Variants in CAST observed in about 807,000 individuals in gnomAD.
CAST encodes calpastatin.
Under a neutral mutation model 119.6 loss-of-function variants are expected in CAST, and 76 were observed. The ratio of observed to expected loss-of-function variants is 0.64; its 90% CI spans 0.53 to 0.77. The LOEUF is 0.77. CAST is among the 30% of genes least tolerant of loss of function. The pLI, the probability that CAST is intolerant of heterozygous loss-of-function variation, is 0.00. For missense variants in CAST, 953 were observed against 946.5 expected (o/e 1.01, Z -0.09); for synonymous variants, 319 against 331.6 (o/e 0.96, Z 0.41).
chr5:95,990,990 T>C, the CAST span, among the ~76,000 whole-genome samples: 1 of 152,206 alleles, frequency 6.6e-6, no homozygotes, highest in East Asian at 1.9e-4. Flanking sequence ...ATTAGTGTTT[T>C]CTCCACAGGA....
upstream of CAST, among the ~76,000 whole-genome samples, chr5:96,526,868 A>G (rs1745604767): frequency 6.6e-6 from 1 of 152,152 alleles, no homozygotes; most frequent in African/African-American, 2.4e-5. Flanking sequence ...TGCTTTTTCC[A>G]AAGAGGGTTT....
intron 1 of CAST, among the ~76,000 whole-genome samples, chr5:96,616,146 C>T (rs778553570): frequency 6.6e-6 from 1 of 152,210 alleles, no homozygotes; most frequent in East Asian, 1.9e-4. Context: ...AAACGTTAAT[C>T]TTCTTTGGCA....
chr5:96,172,492 A>G, the CAST span, among the ~76,000 whole-genome samples: 1 of 152,264 alleles, frequency 6.6e-6, no homozygotes, highest in Non-Finnish European at 1.5e-5. Context: ...TACATGGTAT[A>G]TGGCAATATG....
intron 2 of CAST, among the ~76,000 whole-genome samples, chr5:96,688,668 T>C (rs1022078276): frequency 2.6e-4 from 39 of 152,338 alleles, no homozygotes; most frequent in African/African-American, 9.1e-4. Context: ...TGTGCATATT[T>C]TTGTATTTGT....
chr5:96,352,943 CCT>C, the CAST span, among the ~76,000 whole-genome samples: 2 of 152,088 alleles, frequency 1.3e-5, no homozygotes, highest in Admixed American at 1.3e-4. Context: ...TTTCCTGAGG[CCT>C]CTCTAGTCAT....
At chr5:96,613,714 A>G (rs1337526363) in intron 1 of CAST, among the ~76,000 whole-genome samples, 2 of 152,212 alleles carry the variant, frequency 1.3e-5, no homozygotes, top group Non-Finnish European at 2.9e-5. Flanking sequence ...AACAACAACA[A>G]CAATAGTAAC....
the CAST span, among the ~76,000 whole-genome samples, chr5:96,051,333 C>A: frequency 8.9e-6 from 1 of 112,462 alleles, no homozygotes. Context: ...AGATCTATAG[C>A]TAAAATTCTC....
chr5:96,497,554 T>C, the CAST span, among the ~76,000 whole-genome samples: 1 of 152,102 alleles, frequency 6.6e-6, no homozygotes, highest in East Asian at 1.9e-4. Flanking sequence ...ATTGCCATTC[T>C]AACTGGTGTG....
the CAST span, among the ~76,000 whole-genome samples, chr5:96,109,922 T>C: frequency 6.7e-6 from 1 of 149,510 alleles, no homozygotes; most frequent in Non-Finnish European, 1.5e-5. Flanking sequence ...TTAAAGTACA[T>C]GTAAAAATGA....
the CAST span, among the ~76,000 whole-genome samples, chr5:96,090,196 A>G: frequency 4.6e-5 from 7 of 152,192 alleles, no homozygotes; most frequent in African/African-American, 1.7e-4. Context: ...TTGGTGGGAT[A>G]CGGGTCTCTA....
chr5:96,243,353 G>A, the CAST span, among the ~76,000 whole-genome samples: 2 of 150,356 alleles, frequency 1.3e-5, no homozygotes, highest in African/African-American at 2.5e-5. Flanking sequence ...ACTGAAGAAC[G>A]TTTTGCTCAC....
At chr5:96,344,641 C>A in the CAST span, among the ~76,000 whole-genome samples, 1 of 152,088 alleles carries the variant, frequency 6.6e-6, no homozygotes, top group South Asian at 2.1e-4. Context: ...CTTTAGTCTT[C>A]ATTTATTTTT....
chr5:96,102,762 A>G, the CAST span, among the ~76,000 whole-genome samples: 1 of 149,760 alleles, frequency 6.7e-6, no homozygotes, highest in Non-Finnish European at 1.5e-5. Flanking sequence ...AGTTCCTTCA[A>G]CTTCATAGGC....
intron 1 of CAST, among the ~76,000 whole-genome samples, chr5:96,645,348 C>T (rs891805312): frequency 2.0e-5 from 3 of 152,122 alleles, no homozygotes; most frequent in African/African-American, 7.2e-5. Context: ...ATTCATCACG[C>T]GGTTAAGGTG....
chr5:96,754,791 C>A, intron 22 of CAST, 50 bp downstream of exon 22: 8 of 1,037,330 alleles, frequency 7.7e-6, no homozygotes, highest in Non-Finnish European at 1.2e-5. Flanking sequence ...ATACTGAATT[C>A]ATACACAGAA....
At position 96,662,464 on chromosome 5, in the gene CAST, C is replaced by T. The variant is rs1263809988; in HGVS notation, c.42C>T (p.Pro14=). 3.1e-5 allele frequency: 44 copies of T among 1,434,954 alleles called. No individual in the cohort carries two copies. Among genetic ancestry groups the T allele is most frequent in the Non-Finnish European group, 3.7e-5 (41 of 1,098,770 alleles). The allele number at this position is 1,434,954 out of a possible 1,614,324, so 88.9% of individuals were successfully genotyped here. ...PGQKPAASPR[P]RRAAAARRTH... is the part of the protein sequence containing the mutation. ...AGAAGCCCGCCGCCTCCCCGCGGCC[C>T]CGGCGAGCAGCCGCCGCCCGCCGCA... The change falls in exon 1 of 32, where the codon CCC becomes CCT. Residue 14 remains proline, a synonymous_variant. Transcript: ENST00000675179.
intron 29 of CAST, chr5:96,769,601 G>A (rs1432442035): frequency 1.3e-5 from 2 of 151,920 alleles, no homozygotes; most frequent in African/African-American, 2.4e-5. Context: ...GACAAAAGCA[G>A]CTAAAATCTA....
intron 1 of CAST, among the ~76,000 whole-genome samples, chr5:96,539,338 T>G (rs1202928254): frequency 6.6e-6 from 1 of 152,230 alleles, no homozygotes; most frequent in Non-Finnish European, 1.5e-5. Flanking sequence ...GCATAAATAT[T>G]TAGAATTGCA....
chr5:96,390,406 A>G, the CAST span: 1 of 152,162 alleles, frequency 6.6e-6, no homozygotes, highest in Non-Finnish European at 1.5e-5. Flanking sequence ...TTATAAGCAT[A>G]TTTTACATAT....
Sources: allele counts gnomAD v4.1 joint callset (sites outside exome capture counted in the v4.1 genomes callset), GRCh38; gene constraint gnomAD v4.1.1; transcripts MANE v1.5; gene names NCBI Gene and HGNC (gene_info 2026-07-23, HGNC 2026-07-21).